Variants in DAP3 observed in about 807,000 individuals in gnomAD.
The protein encoded by DAP3 is small ribosomal subunit protein mS29.
Under a neutral mutation model 51.9 loss-of-function variants are expected in DAP3, and 28 were observed. The ratio of observed to expected loss-of-function variants is 0.54; its 90% CI spans 0.40 to 0.74. The LOEUF is 0.74. Ranked by LOEUF, DAP3 falls within the 30% of genes least tolerant of loss-of-function variation. DAP3 has a pLI of 0.00. For synonymous variants in DAP3, 170 were observed against 170.3 expected (o/e 1.00, Z 0.01); for missense variants, 458 against 483.5 (o/e 0.95, Z 0.49).
rs1305088093 is a variant in DAP3, at chr1:155,736,842, A to C, written c.994-104A>C. 31 of 932,720 alleles carry C rather than the reference A, an allele frequency of 3.3e-5. No individual in the cohort carries two copies. The Middle Eastern group carries it at 9.6e-4, about 29-fold the overall frequency. 57.8% of individuals were successfully genotyped at this position (932,720 alleles called of 1,614,324 possible). A position where few individuals can be genotyped will look rare whatever the true frequency, so the allele number is the denominator to read the frequency against. On this transcript the variant is annotated intron_variant, in intron 11 of 12. Transcript: ENST00000368336. The stretch of plus-strand genomic sequence containing the variant: ...CAGAGAATGAGAAGTAGAGTTACAT[A>C]GAAGAAAAACAAATACCTTACCTTC...
chr1:155,693,684 G>A (rs1476020567), intron 1 of DAP3, among the ~76,000 whole-genome samples: 2 of 142,076 alleles, frequency 1.4e-5, no homozygotes, highest in Admixed American at 6.6e-5. Flanking sequence ...AATCCTGGCC[G>A]GGAGTGGTGG....
chr1:155,714,308 C>T (rs960335443), intron 2 of DAP3, among the ~76,000 whole-genome samples: 2 of 152,144 alleles, frequency 1.3e-5, no homozygotes, highest in East Asian at 1.9e-4. Flanking sequence ...TCAAGCAGTC[C>T]TTCCACTTTA....
chr1:155,688,295 TC>T (rs1558323175), upstream of DAP3: 1 of 1,571,548 alleles, frequency 6.4e-7, no homozygotes, highest in Admixed American at 1.9e-5. Context: ...TGGGATCGTT[TC>T]CCCTCGCAAA....
chr1:155,736,365 CGTGT>C (rs1302481640), intron 11 of DAP3, among the ~76,000 whole-genome samples: 2 of 151,970 alleles, frequency 1.3e-5, no homozygotes, highest in African/African-American at 4.8e-5. Flanking sequence ...TGTGTGTGTG[CGTGT>C]GTATGTGTGT....
intron 10 of DAP3, 113 bp downstream of exon 10, chr1:155,731,528 T>G: frequency 2.0e-6 from 2 of 991,138 alleles, no homozygotes; most frequent in Non-Finnish European, 3.0e-6. Flanking sequence ...GGACAGTAAG[T>G]TATTATGTCT....
rs565468654 is a variant in DAP3 at position 155,694,704 on chromosome 1, T to G, written c.-8+5530T>G. Among the ~76,000 whole-genome samples the G allele has an allele frequency of 5.9e-5, 9 of 152,348 alleles. No individual in the cohort carries two copies. The East Asian group carries it at 1.7e-3, about 29-fold the overall frequency. ...TGCTCATGGTAGAATTTAAGATGTC[T>G]TGTAGGTACCCAAACTGGAAGCTGG... On this transcript the variant is annotated intron_variant, in intron 1 of 12. Transcript: ENST00000368336.
At chr1:155,733,072 A>G (rs1177378425) in intron 11 of DAP3, among the ~76,000 whole-genome samples, 1 of 152,230 alleles carries the variant, frequency 6.6e-6, no homozygotes, top group African/African-American at 2.4e-5. Context: ...TTAATCTGTG[A>G]CAGTCTGTCA....
At chr1:155,730,174 C>CATATATGTATATATAATATTCATATATGT (rs1331866533) in intron 9 of DAP3, among the ~76,000 whole-genome samples, 3,133 of 132,846 alleles carry the variant, frequency 0.024, 487 homozygotes, top group African/African-American at 0.11. Context: ...CCTATATGTT[C>CATATATGTATATATAATATTCATATATGT]ATATATGTAT....
At chr1:155,721,308 G>C (rs1657972004) in intron 3 of DAP3, among the ~76,000 whole-genome samples, 1 of 150,160 alleles carries the variant, frequency 6.7e-6, no homozygotes, top group Admixed American at 6.7e-5. Context: ...CTCCTGCCTG[G>C]GTGACAAAAG....
intron 3 of DAP3, 101 bp downstream of exon 3, chr1:155,717,229 T>TGTAAC: frequency 6.5e-7 from 1 of 1,547,540 alleles, no homozygotes. Flanking sequence ...GCTTAGTAGA[T>TGTAAC]TTGCATTTAC....
intron 1 of DAP3, 187 bp downstream of exon 1, chr1:155,689,361 AC>A (rs1653333390): frequency 1.9e-6 from 1 of 521,462 alleles, no homozygotes; most frequent in Non-Finnish European, 3.7e-6. Flanking sequence ...GTTGTTGTTA[AC>A]CCTCCTCGGA....
chr1:155,727,485 AAG>A, intron 6 of DAP3, 121 bp from the exon 7 acceptor site: 10 of 1,076,662 alleles, frequency 9.3e-6, no homozygotes, highest in South Asian at 5.0e-5. Context: ...AAAAAAAAAA[AAG>A]AAAAGAAATA....
intron 1 of DAP3, among the ~76,000 whole-genome samples, chr1:155,696,513 A>C (rs1452761694): frequency 1.3e-5 from 2 of 152,228 alleles, no homozygotes; most frequent in African/African-American, 4.8e-5. Context: ...TAATGGCTCT[A>C]TCTTGTACTT....
chr1:155,702,151 T>TAAA (rs71080722), intron 1 of DAP3, among the ~76,000 whole-genome samples: 2 of 101,692 alleles, frequency 2.0e-5, no homozygotes, highest in Middle Eastern at 5.4e-3. Flanking sequence ...ATTCTGCCTA[T>TAAA]AAAAAAAAAA....
At chr1:155,702,130 TAAAA>T (rs934239146) in intron 1 of DAP3, among the ~76,000 whole-genome samples, 3 of 118,196 alleles carry the variant, frequency 2.5e-5, no homozygotes, top group Non-Finnish European at 5.6e-5. Flanking sequence ...AATTAAAAAT[TAAAA>T]AAATTGATTC....
In DAP3 at chr1:155,729,132, A is replaced by G; in HGVS notation, c.684+10A>G. On this transcript the variant is annotated intron_variant, in intron 8 of 12. Transcript: ENST00000368336. ...AGAAGTGGTTGAACAGGTATAAGAA[A>G]AAACACTGAATGTGTAACATGCGAT... is the stretch of plus-strand genomic sequence containing the variant. The G allele has an allele frequency of 6.2e-7, 1 of 1,614,210 alleles. No individual in the cohort carries two copies. The highest frequency in any genetic ancestry group is 2.2e-5 in the East Asian group (1 of 44,890).
At chr1:155,735,060 C>G in intron 11 of DAP3, among the ~76,000 whole-genome samples, 1 of 146,330 alleles carries the variant, frequency 6.8e-6, no homozygotes, top group East Asian at 2.0e-4. Flanking sequence ...GTCAGGAGAT[C>G]TAGACCGGCC....
intron 1 of DAP3, among the ~76,000 whole-genome samples, chr1:155,696,202 C>T (rs1341243208): frequency 2.0e-5 from 3 of 152,052 alleles, no homozygotes; most frequent in Non-Finnish European, 4.4e-5. Context: ...GAACAATAAC[C>T]CTCATTGAGG....
At chr1:155,724,582 G>A (rs1483455317) in intron 4 of DAP3, among the ~76,000 whole-genome samples, 2 of 148,254 alleles carry the variant, frequency 1.3e-5, no homozygotes, top group Non-Finnish European at 1.5e-5. Context: ...GCAGTGAGCC[G>A]AGATCACACC....
Sources: allele counts gnomAD v4.1 joint callset (sites outside exome capture counted in the v4.1 genomes callset), GRCh38; gene constraint gnomAD v4.1.1; transcripts MANE v1.5; gene names NCBI Gene and HGNC (gene_info 2026-07-23, HGNC 2026-07-21).